HDX: variants seen among roughly 807,000 people sequenced by gnomAD.
HDX encodes the protein highly divergent homeobox, also known as chromosome X open reading frame 43.
Under a neutral mutation model 45.2 loss-of-function variants are expected in HDX, and 19 were observed. The ratio of observed to expected loss-of-function variants is 0.42; its 90% CI spans 0.29 to 0.62. The LOEUF is 0.62. Ranked by LOEUF, HDX falls within the 20% of genes least tolerant of loss-of-function variation. The pLI, the probability that HDX is intolerant of heterozygous loss-of-function variation, is 0.20. For missense variants in HDX, 532 were observed against 493.9 expected, an observed-to-expected ratio of 1.08 and a Z score of -0.73; for synonymous variants, 188 against 172.8, an observed-to-expected ratio of 1.09 and a Z score of -0.69.
intron 9 of HDX, among the ~76,000 whole-genome samples, chrX:84,331,139 A>G (rs989553224): frequency 1.8e-5 from 2 of 111,447 alleles, no homozygotes; most frequent in Admixed American, 1.9e-4. Context: ...CTATTTTATG[A>G]TGCAGTTACT....
chrX:84,456,325 T>C (rs753869915), intron 4 of HDX, among the ~76,000 whole-genome samples: 2 of 111,439 alleles, frequency 1.8e-5, no homozygotes, highest in East Asian at 5.6e-4. Flanking sequence ...CAGTTTCAAA[T>C]AATGGGATAT....
chrX:84,412,730 G>C (rs1326442024), intron 5 of HDX, among the ~76,000 whole-genome samples: 1 of 111,751 alleles, frequency 8.9e-6, no homozygotes, highest in Non-Finnish European at 1.9e-5. Flanking sequence ...AAAGAGGTTG[G>C]GGAATTTTCC....
intron 5 of HDX, among the ~76,000 whole-genome samples, chrX:84,393,033 AT>A (rs769647215): frequency 3.1e-4 from 34 of 111,150 alleles, no homozygotes; most frequent in Middle Eastern, 4.6e-3. Flanking sequence ...ACTATGTTGA[AT>A]TACAATATAA....
intron 5 of HDX, among the ~76,000 whole-genome samples, chrX:84,418,172 A>G (rs749682727): frequency 1.8e-5 from 2 of 112,009 alleles, no homozygotes; most frequent in African/African-American, 6.5e-5. Context: ...ACATACTCCA[A>G]TGAAAAGATA....
intron 6 of HDX, among the ~76,000 whole-genome samples, chrX:84,351,332 A>G (rs943485453): frequency 4.6e-4 from 51 of 110,168 alleles, no homozygotes; most frequent in African/African-American, 1.6e-3. Context: ...CTTATCTGAC[A>G]CCATCCCATC....
intron 4 of HDX, among the ~76,000 whole-genome samples, chrX:84,450,261 C>CA (rs1222644852): frequency 1.5e-3 from 169 of 110,252 alleles, no homozygotes; most frequent in African/African-American, 5.1e-3. Context: ...TGGACAACAA[C>CA]AAAAAAAACC....
chrX:84,495,963 C>T (rs992173085), intron 1 of HDX, among the ~76,000 whole-genome samples: 9 of 111,865 alleles, frequency 8.0e-5, no homozygotes, highest in Admixed American at 3.8e-4. Flanking sequence ...AAAGAGACAA[C>T]ATACCATTCC....
intron 5 of HDX, among the ~76,000 whole-genome samples, chrX:84,389,734 G>A (rs1416279761): frequency 1.8e-5 from 2 of 111,114 alleles, no homozygotes; most frequent in South Asian, 3.9e-4. Context: ...AGAGAAAAAT[G>A]GGGAGTGCTG....
At chrX:84,408,211 A>AT (rs921137065) in intron 5 of HDX, among the ~76,000 whole-genome samples, 7 of 110,465 alleles carry the variant, frequency 6.3e-5, no homozygotes, top group African/African-American at 2.0e-4. Flanking sequence ...TCTTTAGTTG[A>AT]TTTTTTGTGT....
chrX:84,460,955 A>T (rs1255728156), intron 4 of HDX, among the ~76,000 whole-genome samples: 1 of 111,662 alleles, frequency 9.0e-6, no homozygotes. Context: ...TATAATACCT[A>T]GGAAATTACT....
chrX:84,399,104 A>G (rs2147950043), intron 5 of HDX, among the ~76,000 whole-genome samples: 1 of 111,659 alleles, frequency 9.0e-6, no homozygotes, highest in African/African-American at 3.3e-5. Flanking sequence ...AAATGCCCAC[A>G]TCAGAAAGCT....
At chrX:84,474,926 T>C (rs1046749230) in intron 3 of HDX, among the ~76,000 whole-genome samples, 3 of 111,806 alleles carry the variant, frequency 2.7e-5, no homozygotes, top group African/African-American at 9.7e-5. Context: ...ACTGATATTA[T>C]TTTTGGGGAT....
intron 5 of HDX, among the ~76,000 whole-genome samples, chrX:84,413,404 T>C (rs2039031545): frequency 9.0e-6 from 1 of 111,608 alleles, no homozygotes; most frequent in Admixed American, 9.5e-5. Flanking sequence ...CTTTGGAAGA[T>C]ATTATGGGGC....
At chrX:84,433,278 G>A (rs757090102) in intron 5 of HDX, among the ~76,000 whole-genome samples, 1 of 111,759 alleles carries the variant, frequency 8.9e-6, no homozygotes, top group African/African-American at 3.2e-5. Flanking sequence ...AAAATGTCCT[G>A]AAGCACACTA....
intron 5 of HDX, among the ~76,000 whole-genome samples, chrX:84,426,792 T>C (rs2039392079): frequency 1.8e-5 from 2 of 110,943 alleles, no homozygotes; most frequent in Admixed American, 9.6e-5. Flanking sequence ...AGAGTAGATT[T>C]CAGTTGCTCT....
intron 4 of HDX, among the ~76,000 whole-genome samples, chrX:84,459,726 A>C (rs1210174855): frequency 9.0e-6 from 1 of 111,682 alleles, no homozygotes; most frequent in Non-Finnish European, 1.9e-5. Flanking sequence ...AATAAAAAAT[A>C]GTACAAAAGA....
At chrX:84,332,153 T>G (rs960351425) in intron 9 of HDX, among the ~76,000 whole-genome samples, 3 of 111,487 alleles carry the variant, frequency 2.7e-5, no homozygotes, top group African/African-American at 9.8e-5. Context: ...AGGTTTTGCT[T>G]ACCTTTCCCT....
At chrX:84,461,168 A>C in intron 4 of HDX, among the ~76,000 whole-genome samples, 1 of 111,708 alleles carries the variant, frequency 9.0e-6, no homozygotes. Context: ...AAACAGAAAA[A>C]AATCCTAAAA....
chrX:84,342,538 TGAGA>T (rs1345139155), intron 7 of HDX, among the ~76,000 whole-genome samples: 54 of 108,134 alleles, frequency 5.0e-4, no homozygotes, highest in African/African-American at 1.8e-3. Context: ...TGTGTGTGTG[TGAGA>T]GAGAGAGAGA....
Sources: allele counts gnomAD v4.1 joint callset (sites outside exome capture counted in the v4.1 genomes callset), GRCh38; gene constraint gnomAD v4.1.1; transcripts MANE v1.5; gene names NCBI Gene and HGNC (gene_info 2026-07-23, HGNC 2026-07-21).